Variants in RASSF3 observed in about 807,000 individuals in gnomAD.
The protein encoded by RASSF3 is Ras association domain family member 3.
A neutral mutation model predicts 19.9 loss-of-function variants in RASSF3; 19 were observed. The ratio of observed to expected loss-of-function variants is 0.96; its 90% CI spans 0.67 to 1.40. The LOEUF (loss-of-function observed/expected upper bound fraction) is 1.40. Among genes scored for constraint, RASSF3 ranks in the 40% most tolerant of loss-of-function variants. RASSF3 has a pLI of 0.00. For missense variants in RASSF3, 306 were observed against 289.8 expected (o/e 1.06, Z -0.41); for synonymous variants, 110 against 104.2 (o/e 1.06, Z -0.34).
intron 2 of RASSF3, among the ~76,000 whole-genome samples, chr12:64,585,017 C>G (rs1438731511): frequency 6.7e-6 from 1 of 149,762 alleles, no homozygotes; most frequent in Non-Finnish European, 1.5e-5. Context: ...TCCTGAGTAG[C>G]TGGGACTACA....
intron 1 of RASSF3, among the ~76,000 whole-genome samples, chr12:64,667,185 T>C (rs1269515387): frequency 6.6e-6 from 1 of 152,094 alleles, no homozygotes. Context: ...TTTAAAACAA[T>C]ATCTGTACTT....
At chr12:64,673,812 G>T (rs983201538) in intron 1 of RASSF3, among the ~76,000 whole-genome samples, 22 of 151,616 alleles carry the variant, frequency 1.5e-4, no homozygotes, top group Admixed American at 1.1e-3. Flanking sequence ...ACATCAGACT[G>T]GGATTTCTGA....
chr12:64,674,761 TG>T (rs1206978566), intron 1 of RASSF3, among the ~76,000 whole-genome samples: 1 of 151,650 alleles, frequency 6.6e-6, no homozygotes, highest in Non-Finnish European at 1.5e-5. Flanking sequence ...CTGGGTGGGG[TG>T]GGCCTTGAAC....
intron 2 of RASSF3, among the ~76,000 whole-genome samples, chr12:64,593,018 C>G (rs1869948104): frequency 6.6e-6 from 1 of 151,954 alleles, no homozygotes; most frequent in Non-Finnish European, 1.5e-5. Flanking sequence ...TTGCAAGTAC[C>G]TTTTCCTCAT....
At chr12:64,550,540 C>T (rs1326327621) in intron 2 of RASSF3, among the ~76,000 whole-genome samples, 1 of 151,976 alleles carries the variant, frequency 6.6e-6, no homozygotes, top group Non-Finnish European at 1.5e-5. Context: ...TGGTGCACAC[C>T]TGTAATCCCA....
chr12:64,663,840 CTTTTTTTTTT>C (rs34450092), intron 1 of RASSF3, among the ~76,000 whole-genome samples: 6,974 of 73,420 alleles, frequency 0.095, 706 homozygotes, highest in African/African-American at 0.32. Flanking sequence ...TTAGCCTTGC[CTTTTTTTTTT>C]TTTTTTTTTT....
chr12:64,544,410 TACTC>T (rs1869015575), downstream of RASSF3, among the ~76,000 whole-genome samples: 1 of 152,146 alleles, frequency 6.6e-6, no homozygotes, highest in African/African-American at 2.4e-5. Flanking sequence ...AGAACTGTAA[TACTC>T]ACCGGGAGGG....
chr12:64,565,470 T>C (rs1273283302), intron 2 of RASSF3, among the ~76,000 whole-genome samples: 1 of 152,116 alleles, frequency 6.6e-6, no homozygotes, highest in African/African-American at 2.4e-5. Flanking sequence ...CCCAGCACTT[T>C]GGGAGACCGA....
At chr12:64,693,324 G>A (rs1868311785) in intron 4 of RASSF3, among the ~76,000 whole-genome samples, 1 of 152,056 alleles carries the variant, frequency 6.6e-6, no homozygotes. Context: ...CCCCCTTTGG[G>A]AGAGGAGGAT....
chr12:64,612,084 C>CT (rs918541623), intron 1 of RASSF3, among the ~76,000 whole-genome samples: 6 of 152,144 alleles, frequency 3.9e-5, no homozygotes, highest in Admixed American at 3.3e-4. Flanking sequence ...AGAGTGTGTT[C>CT]TGAGAGCATG....
In RASSF3 at chr12:64,675,915, T is replaced by TA. The variant is rs879786267; in HGVS notation, c.112-8859dup. Among the ~76,000 whole-genome samples the TA allele has an allele frequency of 2.3e-3, 329 of 145,246 alleles. 1 individual carries two copies. The highest frequency in any genetic ancestry group is 5.1e-3 in the African/African-American group (202 of 39,696). ...GAGCCCCACCCTGTATCCTGCCATTTAAAAAAAAAAAAATCCTCTCATCTG... is the reference window on the plus strand; with the variant it reads ...GAGCCCCACCCTGTATCCTGCCATTTAAAAAAAAAAAAAATCCTCTCATCTG... On this transcript the variant is annotated intron_variant, in intron 1 of 4. Coordinates refer to ENST00000542104, the MANE Select transcript of RASSF3 (RefSeq NM_178169.4).
rs746924109 is a variant in RASSF3 at position 64,684,866 on chromosome 12, C to G, written c.191C>G (p.Ala64Gly). 1.2e-6 allele frequency: 2 copies of G among 1,611,732 alleles called. No homozygotes were observed. The highest frequency in any genetic ancestry group is 1.7e-5 in the Admixed American group (1 of 59,992). ...IKEKVHKYNLAVTDKLKMTLN... is the reference protein window; with the variant it reads ...IKEKVHKYNLGVTDKLKMTLN... Reference sequence around the variant, plus strand: ...GAGAAAGTTCATAAATACAACTTAGCAGTCACAGACAAGTTGAAGATGACC... The same window carrying G: ...GAGAAAGTTCATAAATACAACTTAGGAGTCACAGACAAGTTGAAGATGACC... Residue 64 changes from alanine (A) to glycine (G), a missense_variant, in exon 2 of 5, where the codon GCA becomes GGA. Coordinates refer to ENST00000542104, the MANE Select transcript of RASSF3 (RefSeq NM_178169.4).
chr12:64,520,515 CAT>C (rs1239754979), intron 1 of RASSF3, among the ~76,000 whole-genome samples: 6 of 138,752 alleles, frequency 4.3e-5, no homozygotes, highest in African/African-American at 1.6e-4. Flanking sequence ...AGTGTGCGTG[CAT>C]ATGTGTGTGT....
chr12:64,624,973 A>C (rs1870935884), intron 1 of RASSF3, among the ~76,000 whole-genome samples: 1 of 151,996 alleles, frequency 6.6e-6, no homozygotes, highest in Non-Finnish European at 1.5e-5. Flanking sequence ...GGCCAGCAAT[A>C]GTTATTTTTA....
rs141300071 is a variant in RASSF3, at chr12:64,694,811, G to C, written c.616G>C (p.Asp206His). ...PELQNFLRILDKEEDEQLQNL... is the reference protein window; with the variant it reads ...PELQNFLRILHKEEDEQLQNL... Reference sequence around the variant, plus strand: ...ACTACAGAATTTCTTGCGCATCTTGGACAAGGAAGAAGATGAACAGCTGCA... The same window carrying C: ...ACTACAGAATTTCTTGCGCATCTTGCACAAGGAAGAAGATGAACAGCTGCA... The change falls in exon 5 of 5, where the codon GAC (aspartate) becomes CAC (histidine). Residue 206 changes from aspartate to histidine, a missense_variant. Asp to His is a moderately conservative substitution (Grantham distance 81, BLOSUM62 -1). Coordinates refer to ENST00000542104, the MANE Select transcript of RASSF3 (RefSeq NM_178169.4). 5.2e-4 allele frequency: 837 copies of C among 1,614,058 alleles called. No individual in the cohort carries two copies. The highest frequency in any genetic ancestry group is 6.6e-4 in the Non-Finnish European group (779 of 1,180,016).
At chr12:64,649,347 C>A (rs1351813364) in intron 1 of RASSF3, among the ~76,000 whole-genome samples, 1 of 152,012 alleles carries the variant, frequency 6.6e-6, no homozygotes, top group Non-Finnish European at 1.5e-5. Flanking sequence ...CACCCGCCAC[C>A]ACACCCGGCT....
intron 1 of RASSF3, among the ~76,000 whole-genome samples, chr12:64,633,348 G>A (rs1028967987): frequency 1.3e-5 from 2 of 152,098 alleles, no homozygotes; most frequent in Non-Finnish European, 2.9e-5. Flanking sequence ...TGGATTATGG[G>A]GATGGATCCC....
chr12:64,615,423 C>T lies in RASSF3; in HGVS notation c.111+4680C>T, dbSNP rs112666840. On this transcript the variant is annotated intron_variant, in intron 1 of 4. Transcript: ENST00000542104. ...ACAACCCACACTTTAAAAAAAATTG[C>T]GCTGAAGAATTTTACTTCAGTAAGT... Among the ~76,000 whole-genome samples the T allele has an allele frequency of 4.6e-3, 696 of 152,250 alleles. 10 individuals carry two copies. The highest frequency in any genetic ancestry group is 0.015 in the African/African-American group (642 of 41,558).
chr12:64,568,570 G>T, intron 2 of RASSF3, among the ~76,000 whole-genome samples: 1 of 152,040 alleles, frequency 6.6e-6, no homozygotes, highest in East Asian at 1.9e-4. Flanking sequence ...AACAGTTTCT[G>T]GATTCCACCA....
Sources: allele counts gnomAD v4.1 joint callset (sites outside exome capture counted in the v4.1 genomes callset), GRCh38; gene constraint gnomAD v4.1.1; transcripts MANE v1.5; gene names NCBI Gene and HGNC (gene_info 2026-07-23, HGNC 2026-07-21).